Variants in DGKG observed in about 807,000 individuals in gnomAD.
DGKG encodes the protein diacylglycerol kinase gamma.
Under a neutral mutation model 105.3 loss-of-function variants are expected in DGKG, and 78 were observed. The ratio of observed to expected loss-of-function variants is 0.74; its 90% CI spans 0.62 to 0.89. The LOEUF (loss-of-function observed/expected upper bound fraction) is 0.89. Among genes scored for constraint, DGKG ranks in the 40% least tolerant of loss-of-function variants. The pLI is 0.00. For missense variants in DGKG, 958 were observed against 1,020.1 expected (o/e 0.94, Z 0.83); for synonymous variants, 346 against 367.1 (o/e 0.94, Z 0.66).
intron 20 of DGKG, among the ~76,000 whole-genome samples, chr3:186,233,707 T>C (rs899976270): frequency 1.3e-5 from 2 of 152,296 alleles, no homozygotes; most frequent in South Asian, 4.1e-4. Context: ...ATAGTCTCGA[T>C]CTCCTGACCT....
At chr3:186,216,247 AC>A (rs1224872133) in intron 20 of DGKG, among the ~76,000 whole-genome samples, 1 of 151,888 alleles carries the variant, frequency 6.6e-6, no homozygotes, top group Non-Finnish European at 1.5e-5. Context: ...TAATCCATCC[AC>A]CTTGGCCTCT....
chr3:186,325,029 TA>T (rs1725267930), intron 1 of DGKG, among the ~76,000 whole-genome samples: 1 of 152,138 alleles, frequency 6.6e-6, no homozygotes, highest in Admixed American at 6.5e-5. Flanking sequence ...TACACAGCCG[TA>T]AAAAAGAATG....
chr3:186,288,242 T>A (rs548943544), intron 6 of DGKG, among the ~76,000 whole-genome samples: 1 of 152,322 alleles, frequency 6.6e-6, no homozygotes, highest in Admixed American at 6.5e-5. Flanking sequence ...GACAAAGGCT[T>A]ATCAAGACAG....
At chr3:186,177,856 TAAG>T (rs1717159389) in intron 22 of DGKG, among the ~76,000 whole-genome samples, 1 of 152,228 alleles carries the variant, frequency 6.6e-6, no homozygotes, top group African/African-American at 2.4e-5. Context: ...ATTTGCTGAT[TAAG>T]AAGATTAAAC....
intron 20 of DGKG, among the ~76,000 whole-genome samples, chr3:186,242,217 C>T (rs140780653): frequency 2.2e-3 from 336 of 152,332 alleles, no homozygotes; most frequent in Non-Finnish European, 3.0e-3. Flanking sequence ...CAAGGGCAGA[C>T]GCCCTCCCAC....
At chr3:186,168,030 GAA>G (rs1716636192) in intron 22 of DGKG, among the ~76,000 whole-genome samples, 1 of 152,182 alleles carries the variant, frequency 6.6e-6, no homozygotes, top group African/African-American at 2.4e-5. Context: ...CTTCAAGGAT[GAA>G]TGAGCGCCAA....
rs576239325 is a variant in DGKG at position 186,347,448 on chromosome 3, C to CAA, written c.-249+14496_-249+14497dup. On this transcript the variant is annotated intron_variant, in intron 1 of 24. Coordinates refer to ENST00000265022, the MANE Select transcript of DGKG (RefSeq NM_001346.3). ...TGGGCGACAGAGTGAGACTCAGTCT[C>CAA]AAAAAAAAAAAAAAAAAAAAAAGGA... Among the ~76,000 whole-genome samples the CAA allele has an allele frequency of 3.5e-3, 178 of 50,932 alleles. 2 individuals are homozygous for CAA. Among genetic ancestry groups the CAA allele is most frequent in the African/African-American group, 6.5e-3 (95 of 14,596 alleles). The allele number at this position is 50,932 out of a possible 152,430, so 33.4% of individuals were successfully genotyped here.
At position 186,253,075 on chromosome 3, in the gene DGKG, A is replaced by G; in HGVS notation, c.1600+18T>C. ...GAACACCTGTTCCCAGGGTACCACC[A>G]TTAGCATGCAAACTCACCTCCTCCC... is the stretch of plus-strand genomic sequence containing the variant. On this transcript the variant is annotated intron_variant, in intron 18 of 24. Coordinates refer to ENST00000265022, the MANE Select transcript of DGKG (RefSeq NM_001346.3). The G allele has an allele frequency of 6.2e-7, 1 of 1,612,054 alleles. No individual in the cohort carries two copies.
chr3:186,149,441 A>G lies in DGKG; in HGVS notation c.*649T>C. ...ACCAGGAGAAGGTTCCTGGAAAATA[A>G]CAAGTGCCCACCGACGGCGCAGAAA... is the stretch of plus-strand genomic sequence containing the variant. On this transcript the variant is annotated 3_prime_UTR_variant, in exon 25 of 25. Transcript: ENST00000265022. 1.1e-5 allele frequency: 11 copies of G among 985,424 alleles called. No homozygotes were observed. The highest frequency in any genetic ancestry group is 1.3e-5 in the Non-Finnish European group (11 of 829,948). The allele number at this position is 985,424 out of a possible 1,614,324, so 61.0% of individuals were successfully genotyped here.
At chr3:186,331,338 C>T (rs922896783) in intron 1 of DGKG, among the ~76,000 whole-genome samples, 2 of 152,142 alleles carry the variant, frequency 1.3e-5, no homozygotes, top group Admixed American at 1.3e-4. Flanking sequence ...TCACAGATAA[C>T]TGAATTAAAG....
At chr3:186,242,879 C>T (rs1364497084) in intron 19 of DGKG, among the ~76,000 whole-genome samples, 1 of 152,072 alleles carries the variant, frequency 6.6e-6, no homozygotes, top group Non-Finnish European at 1.5e-5. Flanking sequence ...AAGCCTTTGC[C>T]CTCTGGGGAG....
rs116669330 is a variant in DGKG, at chr3:186,234,552, C to T, written c.1826+7952G>A. On this transcript the variant is annotated intron_variant, in intron 20 of 24. Coordinates refer to ENST00000265022, the MANE Select transcript of DGKG (RefSeq NM_001346.3). Reference sequence around the variant, plus strand: ...CCTATAGTCTTGAAAACATAGCGTGCTTTCAAGTTCCTTCTGATATGATCA... The same window carrying T: ...CCTATAGTCTTGAAAACATAGCGTGTTTTCAAGTTCCTTCTGATATGATCA... Among the ~76,000 whole-genome samples the T allele has an allele frequency of 9.7e-3, 1,479 of 152,286 alleles. 23 individuals carry two copies. The highest frequency in any genetic ancestry group is 0.033 in the African/African-American group (1,387 of 41,562).
At chr3:186,316,840 G>A (rs565519990) in intron 2 of DGKG, among the ~76,000 whole-genome samples, 43 of 152,220 alleles carry the variant, frequency 2.8e-4, no homozygotes, top group Non-Finnish European at 5.0e-4. Flanking sequence ...CTGTTTATGT[G>A]GTTACGGAAG....
chr3:186,152,151 A>G (rs1715792937), intron 24 of DGKG, among the ~76,000 whole-genome samples: 1 of 152,170 alleles, frequency 6.6e-6, no homozygotes, highest in South Asian at 2.1e-4. Context: ...ACTGTGGACA[A>G]TTAGCATAAC....
chr3:186,347,131 C>T (rs1380399543), intron 1 of DGKG, among the ~76,000 whole-genome samples: 6 of 151,782 alleles, frequency 4.0e-5, no homozygotes, highest in Non-Finnish European at 7.4e-5. Flanking sequence ...GGGTTTTGAC[C>T]AATGCGTGGT....
At chr3:186,180,580 G>T (rs1717313749) in intron 22 of DGKG, among the ~76,000 whole-genome samples, 1 of 152,162 alleles carries the variant, frequency 6.6e-6, no homozygotes, top group Non-Finnish European at 1.5e-5. Context: ...CAACTCGGAA[G>T]AGTGGTGGCT....
intron 5 of DGKG, among the ~76,000 whole-genome samples, chr3:186,293,494 C>T (rs1000090409): frequency 4.6e-5 from 7 of 152,204 alleles, no homozygotes; most frequent in African/African-American, 1.7e-4. Context: ...CTGAAGTTCT[C>T]CTTGTTCATC....
chr3:186,361,199 C>CT lies in DGKG; in HGVS notation c.-249+746dup, dbSNP rs1727213757. 6.6e-6 allele frequency among the ~76,000 whole-genome samples: 1 copy of CT among 152,220 alleles called. No homozygotes were observed. Among genetic ancestry groups the CT allele is most frequent in the Non-Finnish European group, 1.5e-5 (1 of 68,032 alleles). On this transcript the variant is annotated intron_variant, in intron 1 of 24. Coordinates refer to ENST00000265022, the MANE Select transcript of DGKG (RefSeq NM_001346.3). The surrounding 1 kb of genome is among the most constrained non-coding windows in gnomAD (Gnocchi z 6.8). ...GCAGCACGTCAAATCACCTGTAGGG[C>CT]TTTTTAGAACTCCACAGCCCCCTCC...
intron 18 of DGKG, 133 bp downstream of exon 18, chr3:186,252,960 A>G: frequency 1.4e-6 from 1 of 723,922 alleles, no homozygotes. Context: ...CATGGACTTG[A>G]CATGACTGCA....
Sources: allele counts gnomAD v4.1 joint callset (sites outside exome capture counted in the v4.1 genomes callset), GRCh38; gene constraint gnomAD v4.1.1; non-coding constraint Gnocchi (gnomAD v3.1); transcripts MANE v1.5; gene names NCBI Gene and HGNC (gene_info 2026-07-23, HGNC 2026-07-21).